The following KIN variants were observed in gnomAD, a reference collection of about 807,000 sequenced individuals.
KIN encodes Kin17 DNA and RNA binding protein, also known as DNA/RNA-binding protein KIN17.
Under a neutral mutation model 63.0 loss-of-function variants are expected in KIN, and 47 were observed. The observed-to-expected ratio is 0.75, with a 90% CI of 0.59 to 0.95. The LOEUF is 0.95. KIN is among the 40% of genes least tolerant of loss of function. KIN has a pLI of 0.00. For synonymous variants in KIN, 160 were observed against 157.7 expected (o/e 1.01, Z -0.11); for missense variants, 408 against 460.9 (o/e 0.89, Z 1.05).
intron 12 of KIN, among the ~76,000 whole-genome samples, chr10:7,758,133 C>T (rs372087449): frequency 5.5e-5 from 8 of 145,132 alleles, no homozygotes; most frequent in Admixed American, 3.6e-4. Flanking sequence ...GAGTAAGTGG[C>T]GCAATCTTGG....
At chr10:7,779,777 C>T (rs1168241276) in intron 4 of KIN, among the ~76,000 whole-genome samples, 2 of 152,152 alleles carry the variant, frequency 1.3e-5, no homozygotes, top group Non-Finnish European at 2.9e-5. Flanking sequence ...TTTTGGTTAT[C>T]AGCAAGGGGT....
chr10:7,760,635 A>G (rs1474629544), intron 11 of KIN, among the ~76,000 whole-genome samples: 1 of 151,974 alleles, frequency 6.6e-6, no homozygotes, highest in East Asian at 1.9e-4. Flanking sequence ...TGAGAGAAAG[A>G]GACCACATTC....
chr10:7,778,407 G>C (rs115554478), intron 5 of KIN, among the ~76,000 whole-genome samples: 5,074 of 152,222 alleles, frequency 0.033, 120 homozygotes, highest in South Asian at 0.096. Context: ...TCTCCTCTTA[G>C]TTCAGGAACA....
Position 7,762,132 on chromosome 10 carries a change from C to G in KIN, c.1018+325G>C, listed in dbSNP as rs569366044. ...TCCAAAATTGGAAACTCTTCTGGTC[C>G]AGGCATTTCAGATGAGAGATTCTCA... On this transcript the variant is annotated intron_variant, in intron 11 of 12. Coordinates refer to ENST00000379562, the MANE Select transcript of KIN (RefSeq NM_012311.4). Among the ~76,000 whole-genome samples the G allele has an allele frequency of 1.2e-3, 178 of 151,996 alleles. 3 individuals are homozygous for G. The South Asian group carries it at 0.02, about 17-fold the overall frequency.
chr10:7,787,321 A>G (rs186312558), intron 1 of KIN, among the ~76,000 whole-genome samples: 1 of 152,376 alleles, frequency 6.6e-6, no homozygotes, highest in African/African-American at 2.4e-5. Flanking sequence ...CCATAATTTT[A>G]ACCACAATAT....
rs1836059910 is a variant in KIN, at chr10:7,787,804, C to T, written c.114+16G>A. On this transcript the variant is annotated intron_variant, in intron 1 of 12. Transcript: ENST00000379562. ...GGGCCCTCCTGGGAAGACGGGGCCA[C>T]TCCGGGCCCACTCACCTCGTCCCGG... The T allele has an allele frequency of 3.8e-6, 6 of 1,587,034 alleles. No homozygotes were observed. Among genetic ancestry groups the T allele is most frequent in the Non-Finnish European group, 5.2e-6 (6 of 1,155,610 alleles).
In KIN at chr10:7,783,076, C is replaced by T; in HGVS notation, c.209+5G>A. On this transcript the variant is annotated splice_donor_5th_base_variant and intron_variant, in intron 2 of 12. Coordinates refer to ENST00000379562, the MANE Select transcript of KIN (RefSeq NM_012311.4). The stretch of plus-strand genomic sequence containing the variant: ...ATAAGATAAAGAGTTCTTTGAGTTA[C>T]TTACTCTGAAAAATAATCCATAAAC... 1 of 1,525,518 alleles carries T rather than the reference C, an allele frequency of 6.6e-7. No homozygotes were observed. The highest frequency in any genetic ancestry group is 2.3e-5 in the East Asian group (1 of 43,762). 94.5% of individuals were successfully genotyped at this position (1,525,518 alleles called of 1,614,324 possible).
In KIN at chr10:7,775,806, A is replaced by T; in HGVS notation, c.559-7T>A. 6.5e-7 allele frequency: 1 copy of T among 1,538,208 alleles called. No homozygotes were observed. Among genetic ancestry groups the T allele is most frequent in the Non-Finnish European group, 8.8e-7 (1 of 1,131,928 alleles). The stretch of plus-strand genomic sequence containing the variant: ...CCGTAAAAGTAGGGACCTCCTAAAA[A>T]AAAGAAAGTTTTAAGGTTTTGGTGT... On this transcript the variant is annotated splice_polypyrimidine_tract_variant and splice_region_variant and intron_variant, in intron 5 of 12. Coordinates refer to ENST00000379562, the MANE Select transcript of KIN (RefSeq NM_012311.4).
chr10:7,787,661 C>T (rs1211185660), intron 1 of KIN, among the ~76,000 whole-genome samples, 159 bp downstream of exon 1: 2 of 152,182 alleles, frequency 1.3e-5, no homozygotes, highest in East Asian at 3.9e-4. Flanking sequence ...GGACGGCTCT[C>T]GTGCGCTGAG....
At chr10:7,767,686 C>T (rs534324282) in intron 8 of KIN, among the ~76,000 whole-genome samples, 7 of 151,850 alleles carry the variant, frequency 4.6e-5, no homozygotes, top group African/African-American at 9.7e-5. Context: ...AGTGAAATCC[C>T]GCCTCTACTA....
intron 12 of KIN, among the ~76,000 whole-genome samples, chr10:7,758,753 T>C (rs1030091751): frequency 1.3e-5 from 2 of 152,184 alleles, no homozygotes; most frequent in African/African-American, 4.8e-5. Context: ...TACTGCCTTA[T>C]GCTGATAGAG....
intron 6 of KIN, 100 bp downstream of exon 6, chr10:7,775,651 C>T (rs530317900): frequency 5.6e-5 from 33 of 588,306 alleles, no homozygotes; most frequent in East Asian, 1.2e-4. Context: ...CAGACACATT[C>T]GATGTCTTAT....
chr10:7,758,424 G>A (rs900336505), intron 12 of KIN, among the ~76,000 whole-genome samples: 1 of 152,104 alleles, frequency 6.6e-6, no homozygotes, highest in Admixed American at 6.6e-5. Context: ...AAACAGAAAG[G>A]CTTTTCATGT....
chr10:7,761,796 G>T (rs1159912509), intron 11 of KIN, among the ~76,000 whole-genome samples: 1 of 152,160 alleles, frequency 6.6e-6, no homozygotes. Flanking sequence ...GAGGTCAAGA[G>T]TCTGAGACCA....
chr10:7,760,814 C>T (rs532313924), intron 11 of KIN, among the ~76,000 whole-genome samples: 38 of 152,176 alleles, frequency 2.5e-4, no homozygotes, highest in Admixed American at 1.4e-3. Flanking sequence ...TTCAGGCATT[C>T]ACTGGTGGTC....
chr10:7,769,092 C>G (rs1835612600), intron 8 of KIN, 124 bp downstream of exon 8: 1 of 793,270 alleles, frequency 1.3e-6, no homozygotes, highest in African/African-American at 1.7e-5. Flanking sequence ...CTGTATGTAG[C>G]TAGGTCACTA....
chr10:7,751,544 T>C lies in KIN; in HGVS notation c.*4536A>G, dbSNP rs539626356. 7 of 152,168 alleles carry C rather than the reference T, an allele frequency of 4.6e-5. No individual in the cohort carries two copies. The highest frequency in any genetic ancestry group is 3.9e-4 in the East Asian group (2 of 5,184). 9.4% of individuals were successfully genotyped at this position (152,168 alleles called of 1,614,324 possible). A position where few individuals can be genotyped will look rare whatever the true frequency, so the allele number is the denominator to read the frequency against. On this transcript the variant is annotated 3_prime_UTR_variant, in exon 13 of 13. Transcript: ENST00000379562. ...CCTAAGCAACACAGTGAGACTCCCA[T>C]CTCTTTATAGAAATAAATAAAAATA...
intron 9 of KIN, among the ~76,000 whole-genome samples, chr10:7,765,100 G>T (rs191715170): frequency 1.3e-5 from 2 of 151,072 alleles, no homozygotes; most frequent in African/African-American, 4.9e-5. Flanking sequence ...CAGAGATTAC[G>T]GTGAGCTGAG....
At chr10:7,775,145 C>G (rs1328018102) in intron 6 of KIN, among the ~76,000 whole-genome samples, 3 of 152,194 alleles carry the variant, frequency 2.0e-5, no homozygotes, top group Non-Finnish European at 4.4e-5. Flanking sequence ...CCCCATTTCC[C>G]CTGGGGAACA....
Sources: allele counts gnomAD v4.1 joint callset (sites outside exome capture counted in the v4.1 genomes callset), GRCh38; gene constraint gnomAD v4.1.1; transcripts MANE v1.5; gene names NCBI Gene and HGNC (gene_info 2026-07-23, HGNC 2026-07-21).